The following PCDH11X variants were observed in gnomAD, a reference collection of about 807,000 sequenced individuals.
PCDH11X encodes the protein protocadherin 11 X-linked.
PCDH11X carries 18 observed loss-of-function variants against 53.3 expected under a neutral mutation model. The observed-to-expected ratio is 0.34, with a 90% confidence interval of 0.23 to 0.50. The LOEUF is 0.50. Ranked by LOEUF, PCDH11X falls within the 20% of genes least tolerant of loss-of-function variation. The pLI is 0.98. For missense variants in PCDH11X, 570 were observed against 1,032.4 expected, an observed-to-expected ratio of 0.55 and a Z score of 6.14; for synonymous variants, 279 against 393.3, an observed-to-expected ratio of 0.71 and a Z score of 3.44.
intron 10 of PCDH11X, among the ~76,000 whole-genome samples, chrX:92,480,741 C>T (rs2073485479): frequency 9.0e-6 from 1 of 111,317 alleles, no homozygotes; most frequent in Admixed American, 9.5e-5. Context: ...TGAAATGCTC[C>T]CAGACTACTG....
chrX:92,404,237 T>C (rs113165455), intron 9 of PCDH11X, among the ~76,000 whole-genome samples: 5 of 103,894 alleles, frequency 4.8e-5, no homozygotes, highest in Non-Finnish European at 7.7e-5. Flanking sequence ...TGAAAGAAAA[T>C]TGGAAGTTTC....
chrX:91,921,379 A>C (rs905288508), intron 6 of PCDH11X, among the ~76,000 whole-genome samples: 2 of 110,475 alleles, frequency 1.8e-5, no homozygotes, highest in Non-Finnish European at 3.8e-5. Flanking sequence ...TTTGGAAAAC[A>C]TTTAAAATAA....
At chrX:92,098,039 T>C (rs1174803059) in intron 6 of PCDH11X, among the ~76,000 whole-genome samples, 1 of 110,865 alleles carries the variant, frequency 9.0e-6, no homozygotes, top group Admixed American at 9.7e-5. Flanking sequence ...GTGGAACCCG[T>C]GGATACAAGG....
At chrX:91,998,547 A>G (rs1331408335) in intron 6 of PCDH11X, among the ~76,000 whole-genome samples, 1 of 110,571 alleles carries the variant, frequency 9.0e-6, no homozygotes, top group African/African-American at 3.3e-5. Context: ...GACTCTATCA[A>G]TCATCTTTAT....
chrX:92,124,138 AC>A (rs2064820140), intron 6 of PCDH11X, among the ~76,000 whole-genome samples: 1 of 111,328 alleles, frequency 9.0e-6, no homozygotes. Flanking sequence ...CTGTTGTGCT[AC>A]CTTATTCTTC....
At chrX:92,103,724 G>T (rs1342402889) in intron 6 of PCDH11X, among the ~76,000 whole-genome samples, 1 of 112,339 alleles carries the variant, frequency 8.9e-6, no homozygotes, top group Non-Finnish European at 1.9e-5. Flanking sequence ...GAAGGTTCTG[G>T]AGGAACGCCT....
chrX:92,069,912 C>T (rs889775856), intron 6 of PCDH11X, among the ~76,000 whole-genome samples: 74 of 110,891 alleles, frequency 6.7e-4, no homozygotes, highest in African/African-American at 2.4e-3. Flanking sequence ...AAACTCCTGA[C>T]CTCAGGTGAT....
chrX:92,190,782 T>C (rs1345659926), intron 6 of PCDH11X, among the ~76,000 whole-genome samples: 1 of 111,855 alleles, frequency 8.9e-6, no homozygotes, highest in East Asian at 2.8e-4. Context: ...ATATAGATCA[T>C]TCACCTTTTC....
intron 6 of PCDH11X, among the ~76,000 whole-genome samples, chrX:92,102,040 A>T (rs1337033587): frequency 1.8e-5 from 2 of 111,149 alleles, no homozygotes; most frequent in African/African-American, 6.6e-5. Flanking sequence ...AGAAGGAAAT[A>T]TGGGGAAATG....
chrX:92,608,498 T>C lies in PCDH11X; in HGVS notation c.3368-9766T>C, dbSNP rs186752070. Among the ~76,000 whole-genome samples the C allele has an allele frequency of 1.5e-3, 163 of 110,406 alleles. 1 individual carries two copies. The highest frequency in any genetic ancestry group is 5.2e-3 in the African/African-American group (157 of 30,350). On this transcript the variant is annotated intron_variant, in intron 10 of 10. Coordinates refer to ENST00000682573, the MANE Select transcript of PCDH11X (RefSeq NM_032968.5). ...GTATTATCGTTTGTCCTATGGTTTC[T>C]GTAAATAAATGATATTCTTATCTTT...
At chrX:92,585,173 A>G (rs535223647) in intron 10 of PCDH11X, among the ~76,000 whole-genome samples, 3 of 109,342 alleles carry the variant, frequency 2.7e-5, no homozygotes, top group African/African-American at 6.7e-5. Flanking sequence ...CTCACTCACT[A>G]TCAAAAGAAC....
intron 6 of PCDH11X, among the ~76,000 whole-genome samples, chrX:91,969,619 C>T (rs1262136335): frequency 3.7e-5 from 4 of 108,210 alleles, no homozygotes; most frequent in African/African-American, 6.7e-5. Flanking sequence ...GGCAACATAG[C>T]GAGACTCCTT....
At chrX:91,836,435 ATTACT>A (rs1937302268) in intron 5 of PCDH11X, among the ~76,000 whole-genome samples, 1 of 106,422 alleles carries the variant, frequency 9.4e-6, no homozygotes, top group South Asian at 4.1e-4. Flanking sequence ...TTTCCTAGTG[ATTACT>A]TTAGATACAC....
chrX:92,539,903 C>T (rs2074727834), intron 10 of PCDH11X, among the ~76,000 whole-genome samples: 1 of 111,035 alleles, frequency 9.0e-6, no homozygotes, highest in Admixed American at 9.6e-5. Flanking sequence ...TTACCTTCTC[C>T]CAAACAGTGC....
At chrX:91,818,409 G>A (rs1247263792) in intron 4 of PCDH11X, among the ~76,000 whole-genome samples, 18 of 110,392 alleles carry the variant, frequency 1.6e-4, no homozygotes, top group Non-Finnish European at 3.2e-4. Flanking sequence ...ACTTAAAACT[G>A]CATTGGTGGA....
intron 6 of PCDH11X, among the ~76,000 whole-genome samples, chrX:91,903,621 G>C (rs1602463721): frequency 9.3e-6 from 1 of 107,738 alleles, no homozygotes; most frequent in East Asian, 2.9e-4. Flanking sequence ...AAATTCCACA[G>C]AGTCATTGTG....
chrX:92,086,595 T>A (rs1366228717), intron 6 of PCDH11X, among the ~76,000 whole-genome samples: 1 of 111,710 alleles, frequency 9.0e-6, no homozygotes, highest in Admixed American at 9.6e-5. Context: ...AACTGCTAAA[T>A]AAAGAATAGA....
At chrX:92,583,000 C>A (rs1467119209) in intron 10 of PCDH11X, among the ~76,000 whole-genome samples, 2 of 110,867 alleles carry the variant, frequency 1.8e-5, no homozygotes, top group East Asian at 5.7e-4. Context: ...TATCCAATGC[C>A]TATACTCCTG....
At chrX:92,226,100 A>G (rs1298423371) in intron 7 of PCDH11X, among the ~76,000 whole-genome samples, 1 of 111,861 alleles carries the variant, frequency 8.9e-6, no homozygotes, top group Non-Finnish European at 1.9e-5. Context: ...AGGGACAGAA[A>G]GGGGAGGGGA....
Sources: allele counts gnomAD v4.1 joint callset (sites outside exome capture counted in the v4.1 genomes callset), GRCh38; gene constraint gnomAD v4.1.1; transcripts MANE v1.5; gene names NCBI Gene and HGNC (gene_info 2026-07-23, HGNC 2026-07-21).